The following PCDHGA11 variants were observed in gnomAD, a reference collection of about 807,000 sequenced individuals.
The protein encoded by PCDHGA11 is protocadherin gamma-A11.
PCDHGA11 carries 39 observed loss-of-function variants against 60.4 expected under a neutral mutation model. That is an observed-to-expected ratio of 0.65 (90% CI 0.50 to 0.84). The LOEUF is 0.84. PCDHGA11 is among the 40% of genes least tolerant of loss of function. The probability of loss-of-function intolerance (pLI) is 0.00; values close to 1 mark genes in which losing one functional copy is unlikely to be tolerated. For synonymous variants in PCDHGA11, 533 were observed against 510.3 expected, an observed-to-expected ratio of 1.04 and a Z score of -0.60; for missense variants, 1,165 against 1,197.7, an observed-to-expected ratio of 0.97 and a Z score of 0.40.
chr5:141,470,986 G>T (rs1215610104), intron 1 of PCDHGA11, among the ~76,000 whole-genome samples: 1 of 151,540 alleles, frequency 6.6e-6, no homozygotes, highest in Non-Finnish European at 1.5e-5. Flanking sequence ...CAAAGTGCTG[G>T]GACTACAGGC....
Position 141,486,915 on chromosome 5 carries a change from C to G in PCDHGA11, c.2434-7892C>G. The G allele has an allele frequency of 6.2e-7, 1 of 1,614,244 alleles. No individual in the cohort carries two copies. The highest frequency in any genetic ancestry group is 8.5e-7 in the Non-Finnish European group (1 of 1,180,046). ...GGTTCCTTATGTCCCCAAGCACTGCCTCCATCAGTTGGTGCTGGCCACCTA... is the reference window on the plus strand; with the variant it reads ...GGTTCCTTATGTCCCCAAGCACTGCGTCCATCAGTTGGTGCTGGCCACCTA... On this transcript the variant is annotated intron_variant, in intron 1 of 3. Transcript: ENST00000398587. This position sits in a 1 kb window ranked among gnomAD's most constrained non-coding sequence, Gnocchi z 5.0.
intron 1 of PCDHGA11, 170 bp downstream of exon 1, chr5:141,423,830 G>A (rs527344048): frequency 5.5e-6 from 7 of 1,273,204 alleles, no homozygotes; most frequent in African/African-American, 3.1e-5. Flanking sequence ...CCTTTCATGA[G>A]ATTACGATAA....
rs745612756 is a variant in PCDHGA11 at position 141,487,150 on chromosome 5, T to C, written c.2434-7657T>C. The C allele has an allele frequency of 1.1e-5, 17 of 1,613,960 alleles. No individual in the cohort carries two copies. In the South Asian group the frequency reaches 1.6e-4, roughly 16 times the overall value. On this transcript the variant is annotated intron_variant, in intron 1 of 3. Transcript: ENST00000398587. This position sits in a 1 kb window ranked among gnomAD's most constrained non-coding sequence, Gnocchi z 5.0. The stretch of plus-strand genomic sequence containing the variant: ...GTAGTCCACCACTCTCTACCTCTGT[T>C]ACTCTCTTAGTGTCCTTAGAGGAAG...
chr5:141,457,168 C>T (rs10072917), intron 1 of PCDHGA11, among the ~76,000 whole-genome samples: 42,426 of 152,004 alleles, frequency 0.28, 6,644 homozygotes, highest in African/African-American at 0.43. Context: ...ATGGATAACC[C>T]TATTGCAAAT....
In PCDHGA11 at chr5:141,485,869, G is replaced by A; in HGVS notation, c.2434-8938G>A. On this transcript the variant is annotated intron_variant, in intron 1 of 3. Coordinates refer to ENST00000398587, the MANE Select transcript of PCDHGA11 (RefSeq NM_018914.3). The surrounding 1 kb of genome is among the most constrained non-coding windows in gnomAD (Gnocchi z 5.7). ...GCACCGCAGAGCTCCGGGTATCCGT[G>A]CTGGACGTAAACGACAACGCCCCAG... is the stretch of plus-strand genomic sequence containing the variant. 1 of 1,614,176 alleles carries A rather than the reference G, an allele frequency of 6.2e-7. No individual in the cohort carries two copies. The highest frequency in any genetic ancestry group is 8.5e-7 in the Non-Finnish European group (1 of 1,180,040).
intron 1 of PCDHGA11, among the ~76,000 whole-genome samples, chr5:141,482,944 G>A (rs1362136222): frequency 6.6e-6 from 1 of 152,094 alleles, no homozygotes; most frequent in Non-Finnish European, 1.5e-5. Context: ...GTGGTTGTGG[G>A]TGCCTGTAAT....
chr5:141,482,728 A>T (rs192207285), intron 1 of PCDHGA11, among the ~76,000 whole-genome samples: 97 of 128,396 alleles, frequency 7.6e-4, no homozygotes, highest in Admixed American at 3.3e-3. Context: ...GGGCCATTGC[A>T]AGAAATTCCA....
At chr5:141,435,334 T>C (rs1223377462) in intron 1 of PCDHGA11, among the ~76,000 whole-genome samples, 1 of 152,196 alleles carries the variant, frequency 6.6e-6, no homozygotes, top group East Asian at 1.9e-4. Context: ...ATATAGTGAA[T>C]TTATTTCTTC....
rs756466649 is a variant in PCDHGA11, at chr5:141,495,663, G to A, written c.2492+798G>A. 1.1e-3 allele frequency among the ~76,000 whole-genome samples: 169 copies of A among 152,164 alleles called. 3 individuals are homozygous for A. The highest frequency in any genetic ancestry group is 1.9e-3 in the Admixed American group (29 of 15,272). ...TTGTCTACTTGCATTGATCTGTGCCGCCCACTGTGCCTGCCATGGCATAAG... is the reference window on the plus strand; with the variant it reads ...TTGTCTACTTGCATTGATCTGTGCCACCCACTGTGCCTGCCATGGCATAAG... On this transcript the variant is annotated intron_variant, in intron 2 of 3. Coordinates refer to ENST00000398587, the MANE Select transcript of PCDHGA11 (RefSeq NM_018914.3).
Position 141,505,350 on chromosome 5 carries a change from G to A in PCDHGA11, c.2493-43G>A, listed in dbSNP as rs367663588. ...AGAGGACAGGAGGGGCATGAGCTGT[G>A]CCGGCCTGGGAGTCTGTGCTCACCA... On this transcript the variant is annotated intron_variant, in intron 2 of 3. Transcript: ENST00000398587. The A allele has an allele frequency of 4.3e-6, 7 of 1,613,264 alleles. No homozygotes were observed. In the African/African-American group the frequency reaches 6.7e-5, roughly 15 times the overall value.
rs149806642 is a variant in PCDHGA11 at position 141,502,449 on chromosome 5, A to T, written c.2493-2944A>T. 7.7e-3 allele frequency among the ~76,000 whole-genome samples: 1,166 copies of T among 151,886 alleles called. 15 individuals carry two copies. The highest frequency in any genetic ancestry group is 0.027 in the African/African-American group (1,103 of 41,308). On this transcript the variant is annotated intron_variant, in intron 2 of 3. Coordinates refer to ENST00000398587, the MANE Select transcript of PCDHGA11 (RefSeq NM_018914.3). The stretch of plus-strand genomic sequence containing the variant: ...TCTGATGGTTAGATTCAGATTACAC[A>T]CCTTGGTAGGAATACTTCCCGCAGC...
chr5:141,428,037 C>G lies in PCDHGA11; in HGVS notation c.2433+4377C>G, dbSNP rs762273592. 3.7e-6 allele frequency: 6 copies of G among 1,608,340 alleles called. No homozygotes were observed. In the African/African-American group the frequency reaches 8.0e-5, roughly 21 times the overall value. ...GCCACGCGCCGCAGAGTCCGGCTACCTGGTGACCAAGGTGGTGGCGGTGGA... is the reference window on the plus strand; with the variant it reads ...GCCACGCGCCGCAGAGTCCGGCTACGTGGTGACCAAGGTGGTGGCGGTGGA... On this transcript the variant is annotated intron_variant, in intron 1 of 3. Coordinates refer to ENST00000398587, the MANE Select transcript of PCDHGA11 (RefSeq NM_018914.3).
At chr5:141,451,607 C>T (rs2154563647) in intron 1 of PCDHGA11, among the ~76,000 whole-genome samples, 1 of 152,288 alleles carries the variant, frequency 6.6e-6, no homozygotes, top group Non-Finnish European at 1.5e-5. Context: ...CAAGGCTAGG[C>T]ATGGTGGCTC....
Position 141,487,810 on chromosome 5 carries a change from C to T in PCDHGA11, c.2434-6997C>T. 7.1e-7 allele frequency: 1 copy of T among 1,417,854 alleles called. No homozygotes were observed. 87.8% of individuals were successfully genotyped at this position (1,417,854 alleles called of 1,614,324 possible). ...ATTAACCAGAGTTGTCACAGTTTAG[C>T]ATTGGGGGCGGGTCATGCCTATATC... is the stretch of plus-strand genomic sequence containing the variant. On this transcript the variant is annotated intron_variant, in intron 1 of 3. Coordinates refer to ENST00000398587, the MANE Select transcript of PCDHGA11 (RefSeq NM_018914.3). This position sits in a 1 kb window ranked among gnomAD's most constrained non-coding sequence, Gnocchi z 5.0.
At chr5:141,506,247 G>A (rs113270457) in intron 3 of PCDHGA11, among the ~76,000 whole-genome samples, 8,033 of 152,078 alleles carry the variant, frequency 0.053, 470 homozygotes, top group African/African-American at 0.14. Flanking sequence ...TCAGGAGTTC[G>A]AAACCGGCCT....
At chr5:141,430,950 TC>T (rs1353555538) in intron 1 of PCDHGA11, 1 of 1,609,980 alleles carries the variant, frequency 6.2e-7, no homozygotes, top group East Asian at 2.2e-5. Flanking sequence ...GAGCGCGGAG[TC>T]CGCATCATCC....
Position 141,489,646 on chromosome 5 carries a change from C to G in PCDHGA11, c.2434-5161C>G, listed in dbSNP as rs1274955075. The G allele has an allele frequency of 1.2e-6, 2 of 1,614,186 alleles. No individual in the cohort carries two copies. Among genetic ancestry groups the G allele is most frequent in the Non-Finnish European group, 1.7e-6 (2 of 1,180,022 alleles). ...TGACAACTCTCCTAGCTTTGCCACC[C>G]CTGAGCGAGAGATGCGCATCTCAGA... On this transcript the variant is annotated intron_variant, in intron 1 of 3. Coordinates refer to ENST00000398587, the MANE Select transcript of PCDHGA11 (RefSeq NM_018914.3). The surrounding 1 kb of genome is among the most constrained non-coding windows in gnomAD (Gnocchi z 4.5).
chr5:141,491,454 C>G lies in PCDHGA11; in HGVS notation c.2434-3353C>G. ...GCTGCAGGCGCCAGGACTCACCCTCCCCGGACTTCTATAAGCAGTCCAGCC... is the reference window on the plus strand; with the variant it reads ...GCTGCAGGCGCCAGGACTCACCCTCGCCGGACTTCTATAAGCAGTCCAGCC... On this transcript the variant is annotated intron_variant, in intron 1 of 3. Coordinates refer to ENST00000398587, the MANE Select transcript of PCDHGA11 (RefSeq NM_018914.3). This position sits in a 1 kb window ranked among gnomAD's most constrained non-coding sequence, Gnocchi z 6.9. The G allele has an allele frequency of 6.2e-7, 1 of 1,614,120 alleles. No individual in the cohort carries two copies. Among genetic ancestry groups the G allele is most frequent in the Non-Finnish European group, 8.5e-7 (1 of 1,180,032 alleles).
At chr5:141,433,308 C>A in intron 1 of PCDHGA11, 2 of 915,352 alleles carry the variant, frequency 2.2e-6, no homozygotes, top group Non-Finnish European at 1.6e-6. Context: ...ATTATCCCAC[C>A]TTTGCCTCCG....
Sources: gnomAD v4.1 joint callset for allele counts (sites outside exome capture counted in the v4.1 genomes callset) on GRCh38, gnomAD v4.1.1 for gene constraint, Gnocchi (gnomAD v3.1) non-coding constraint, MANE v1.5 for transcripts, NCBI Gene and HGNC (gene_info 2026-07-23, HGNC 2026-07-21) for gene names.